The following PSD3 variants were observed in gnomAD, a reference collection of about 807,000 sequenced individuals.
PSD3 encodes the protein pleckstrin and Sec7 domain containing 3, also known as PH and SEC7 domain-containing protein 3.
A neutral mutation model predicts 105.5 loss-of-function variants in PSD3; 49 were observed. The ratio of observed to expected loss-of-function variants is 0.46; its 90% CI spans 0.37 to 0.59. The LOEUF is 0.59. Among genes scored for constraint, PSD3 ranks in the 20% least tolerant of loss-of-function variants. The pLI is 0.00. For missense variants in PSD3, 1,561 were observed against 1,263.8 expected, an observed-to-expected ratio of 1.24 and a Z score of -3.57; for synonymous variants, 557 against 457.8, an observed-to-expected ratio of 1.22 and a Z score of -2.77.
chr8:19,008,667 C>T (rs1213990513), intron 1 of PSD3, among the ~76,000 whole-genome samples: 1 of 151,472 alleles, frequency 6.6e-6, no homozygotes, highest in Non-Finnish European at 1.5e-5. Context: ...ACAAAAGAAG[C>T]TACAGCTGCT....
chr8:18,647,412 T>C (rs547770547), intron 10 of PSD3, among the ~76,000 whole-genome samples: 4 of 152,340 alleles, frequency 2.6e-5, no homozygotes, highest in Non-Finnish European at 5.9e-5. Flanking sequence ...TAAACTGTTA[T>C]TGTTATAAAA....
At chr8:18,612,376 T>C (rs1053559466) in intron 11 of PSD3, among the ~76,000 whole-genome samples, 8 of 61,856 alleles carry the variant, frequency 1.3e-4, no homozygotes, top group African/African-American at 5.7e-4. Context: ...TACTGATGCA[T>C]TTTTTTTTTT....
intron 9 of PSD3, chr8:18,683,698 G>A (rs969157825): frequency 1.9e-5 from 14 of 723,174 alleles, no homozygotes; most frequent in Middle Eastern, 2.5e-4. Context: ...CTGCACATTA[G>A]ACACTGCCAA....
intron 1 of PSD3, among the ~76,000 whole-genome samples, chr8:19,078,652 G>A (rs927920054): frequency 6.6e-6 from 1 of 151,900 alleles, no homozygotes; most frequent in Non-Finnish European, 1.5e-5. Flanking sequence ...CACAATGTGA[G>A]CCGCACCTAC....
At chr8:18,804,267 A>G (rs1586062093) in intron 6 of PSD3, 1 of 351,064 alleles carries the variant, frequency 2.8e-6, no homozygotes, top group East Asian at 4.7e-5. Flanking sequence ...GGTTCAAAGG[A>G]AATGCTCCCT....
At chr8:18,755,161 G>C (rs1203833696) in intron 9 of PSD3, among the ~76,000 whole-genome samples, 1 of 152,142 alleles carries the variant, frequency 6.6e-6, no homozygotes, top group Non-Finnish European at 1.5e-5. Flanking sequence ...GGGTGCAGCA[G>C]CTCAAGCCTG....
At chr8:18,639,104 C>T (rs1475549895) in intron 10 of PSD3, among the ~76,000 whole-genome samples, 1 of 152,158 alleles carries the variant, frequency 6.6e-6, no homozygotes, top group Non-Finnish European at 1.5e-5. Flanking sequence ...ACAGACAGGC[C>T]AGAATATTGT....
intron 15 of PSD3, among the ~76,000 whole-genome samples, chr8:18,548,766 G>A (rs1347443501): frequency 6.6e-6 from 1 of 152,154 alleles, no homozygotes; most frequent in Non-Finnish European, 1.5e-5. Context: ...GTGGGGATGG[G>A]AGTGTGAGGT....
intron 1 of PSD3, among the ~76,000 whole-genome samples, chr8:18,992,450 A>C (rs2129473613): frequency 6.6e-6 from 1 of 152,328 alleles, no homozygotes; most frequent in Non-Finnish European, 1.5e-5. Flanking sequence ...TGAATGGATA[A>C]ATTCAGAGAG....
In PSD3 at chr8:19,050,808, C is replaced by A. The variant is rs546796866; in HGVS notation, c.324+33398G>T. The stretch of plus-strand genomic sequence containing the variant: ...ATATGTAACTAACCTGCACATTGTG[C>A]ATATGTACCCTAAATCTTAAAGTAT... On this transcript the variant is annotated intron_variant, in intron 1 of 1. Coordinates refer to the PSD3 transcript ENST00000521475. 2.0e-5 allele frequency among the ~76,000 whole-genome samples: 3 copies of A among 152,080 alleles called. No individual in the cohort carries two copies. In the East Asian group the frequency reaches 5.8e-4, roughly 29 times the overall value.
chr8:19,010,432 C>T (rs750057249), intron 1 of PSD3, among the ~76,000 whole-genome samples: 50 of 152,270 alleles, frequency 3.3e-4, no homozygotes, highest in Non-Finnish European at 4.9e-4. Flanking sequence ...AGATAGCACA[C>T]GCAAAGATTC....
intron 10 of PSD3, among the ~76,000 whole-genome samples, chr8:18,651,359 TC>T (rs1808464978): frequency 6.6e-6 from 1 of 152,236 alleles, no homozygotes; most frequent in Non-Finnish European, 1.5e-5. Context: ...GGTTCTAACA[TC>T]CACATCAAGA....
At chr8:19,062,800 G>T (rs1828948548) in intron 1 of PSD3, among the ~76,000 whole-genome samples, 1 of 152,164 alleles carries the variant, frequency 6.6e-6, no homozygotes, top group African/African-American at 2.4e-5. Flanking sequence ...TGCATTTCAT[G>T]TAAGATGTTA....
At chr8:18,896,972 G>A (rs529579139) in intron 2 of PSD3, among the ~76,000 whole-genome samples, 2 of 151,840 alleles carry the variant, frequency 1.3e-5, no homozygotes, top group Admixed American at 6.6e-5. Context: ...CACCATGCTC[G>A]GCTAATTTTG....
At chr8:18,737,040 A>G (rs970653992) in intron 9 of PSD3, among the ~76,000 whole-genome samples, 36 of 152,236 alleles carry the variant, frequency 2.4e-4, no homozygotes, top group Admixed American at 6.5e-5. Flanking sequence ...CTTCAAAGTC[A>G]TCTGCTTTTG....
intron 1 of PSD3, among the ~76,000 whole-genome samples, chr8:18,999,267 A>G (rs78611470): frequency 0.024 from 3,706 of 151,988 alleles, 172 homozygotes; most frequent in African/African-American, 0.083. Context: ...CAACTCCAGG[A>G]TGTCTCACAA....
chr8:18,667,124 T>C (rs1265526714), intron 9 of PSD3, among the ~76,000 whole-genome samples: 1 of 152,162 alleles, frequency 6.6e-6, no homozygotes, highest in Non-Finnish European at 1.5e-5. Context: ...CCCAGCGAGT[T>C]GCCACTGGTG....
At chr8:18,749,540 G>A (rs1805302768) in intron 9 of PSD3, among the ~76,000 whole-genome samples, 1 of 152,166 alleles carries the variant, frequency 6.6e-6, no homozygotes, top group African/African-American at 2.4e-5. Context: ...GCACACGGCA[G>A]ATGGAACTAA....
intron 4 of PSD3, chr8:18,808,725 CTTGACAATATG>C (rs748442627): frequency 2.3e-5 from 37 of 1,613,824 alleles, no homozygotes; most frequent in Admixed American, 6.7e-5. Flanking sequence ...AATCAGAAAG[CTTGACAATATG>C]ATGGCAATAT....
Sources: gnomAD v4.1 joint callset for allele counts (sites outside exome capture counted in the v4.1 genomes callset) on GRCh38, gnomAD v4.1.1 for gene constraint, MANE v1.5 for transcripts, NCBI Gene and HGNC (gene_info 2026-07-23, HGNC 2026-07-21) for gene names.